DGKD: variants seen among roughly 807,000 people sequenced by gnomAD.
DGKD encodes diacylglycerol kinase delta, also known as DAG kinase delta.
In DGKD, 68 loss-of-function variants were observed where a neutral mutation model predicts 154.4. The ratio of observed to expected loss-of-function variants is 0.44; its 90% CI spans 0.36 to 0.54. DGKD has a LOEUF of 0.54. Among genes scored for constraint, DGKD ranks in the 20% least tolerant of loss-of-function variants. The pLI is 0.00. For missense variants in DGKD, 1,343 were observed against 1,593.6 expected (o/e 0.84, Z 2.68); for synonymous variants, 693 against 638.0 (o/e 1.09, Z -1.30).
chr2:233,469,236 T>G lies in DGKD; in HGVS notation c.3556-135T>G. ...ACTTTTAAGCTGTTTCCATCTTGTT[T>G]TACCGTTTTTGTCATTTTGGCTCTC... On this transcript the variant is annotated intron_variant, in intron 29 of 29. Transcript: ENST00000264057. The G allele has an allele frequency of 4.2e-6, 3 of 709,812 alleles. No individual in the cohort carries two copies. In the South Asian group the frequency reaches 5.2e-5, roughly 12 times the overall value. 44.0% of individuals were successfully genotyped at this position (709,812 alleles called of 1,614,324 possible). A position where few individuals can be genotyped will look rare whatever the true frequency, so the allele number is the denominator to read the frequency against.
intron 3 of DGKD, among the ~76,000 whole-genome samples, chr2:233,416,791 C>T (rs750885030): frequency 1.3e-5 from 2 of 152,142 alleles, no homozygotes; most frequent in Non-Finnish European, 2.9e-5. Flanking sequence ...TTCTTCTGTT[C>T]AGTAGCTGAA....
chr2:233,435,800 G>A lies in DGKD; in HGVS notation c.587-18G>A. The A allele has an allele frequency of 6.2e-7, 1 of 1,608,272 alleles. No homozygotes were observed. Among genetic ancestry groups the A allele is most frequent in the African/African-American group, 1.3e-5 (1 of 74,798 alleles). On this transcript the variant is annotated intron_variant, in intron 5 of 29. Coordinates refer to ENST00000264057, the MANE Select transcript of DGKD (RefSeq NM_152879.3). ...GCACAGACACAGCTTGTAGGCTCATGTGCCCCTTCTCTCACAGTGTGCAAA... is the reference window on the plus strand; with the variant it reads ...GCACAGACACAGCTTGTAGGCTCATATGCCCCTTCTCTCACAGTGTGCAAA...
chr2:233,446,871 A>G (rs1481863471), intron 12 of DGKD, 75 bp downstream of exon 12: 2 of 1,547,866 alleles, frequency 1.3e-6, no homozygotes, highest in Non-Finnish European at 1.8e-6. Flanking sequence ...GGTTTGCATC[A>G]CCTCCCTTGC....
chr2:233,360,984 GTTTTTTTTTTT>G (rs10580286), intron 1 of DGKD, among the ~76,000 whole-genome samples: 1 of 129,096 alleles, frequency 7.7e-6, no homozygotes, highest in Non-Finnish European at 1.6e-5. Context: ...AGACAGTCAA[GTTTTTTTTTTT>G]TTTTTTTTTT....
In DGKD at chr2:233,449,281, C is replaced by G. The variant is rs771362541; in HGVS notation, c.1793C>G (p.Ala598Gly). ...CGCTTGGTGGCATCAGCTTGCCCGGCCCGGCCGCAGATATTCCGGCCTCGA... is the reference window on the plus strand; with the variant it reads ...CGCTTGGTGGCATCAGCTTGCCCGGGCCGGCCGCAGATATTCCGGCCTCGA... Reference protein sequence around the residue: ...GDRLVASACPARPQIFRPREQ... With the variant: ...GDRLVASACPGRPQIFRPREQ... The change falls in exon 15 of 30, where the codon GCC (alanine) becomes GGC (glycine). Residue 598 changes from alanine to glycine, a missense_variant. Around this residue, in one of 6 missense-constraint regions of DGKD, gnomAD observed 409 missense variants for 446.0 expected, o/e 0.92. Transcript: ENST00000264057. This position sits in a 1 kb window ranked among gnomAD's most constrained non-coding sequence, Gnocchi z 5.3. The G allele has an allele frequency of 6.2e-7, 1 of 1,613,380 alleles. No homozygotes were observed. Among genetic ancestry groups the G allele is most frequent in the Non-Finnish European group, 8.5e-7 (1 of 1,179,646 alleles).
chr2:233,364,457 A>G (rs549459953), intron 1 of DGKD, among the ~76,000 whole-genome samples: 3 of 152,362 alleles, frequency 2.0e-5, no homozygotes, highest in East Asian at 1.9e-4. Flanking sequence ...TTTAAATTAT[A>G]TAGAATTAAA....
Position 233,380,677 on chromosome 2 carries a change from T to TG in DGKD, c.157-7579dup, listed in dbSNP as rs201296630. ...AGCAGTGAGGATGTGTGTGTGTGTGTGTGGGGGGGTGTTAACACCACATAC... is the reference window on the plus strand; with the variant it reads ...AGCAGTGAGGATGTGTGTGTGTGTGTGGTGGGGGGGTGTTAACACCACATAC... On this transcript the variant is annotated intron_variant, in intron 1 of 29. Transcript: ENST00000264057. Among the ~76,000 whole-genome samples, 655 of 151,902 alleles carry TG rather than the reference T, an allele frequency of 4.3e-3. 5 individuals are homozygous for TG. The highest frequency in any genetic ancestry group is 5.8e-3 in the Non-Finnish European group (391 of 67,962).
rs371157011 is a variant in DGKD, at chr2:233,462,412, A to G, written c.3046A>G (p.Ser1016Gly). Reference protein sequence around the residue: ...EQELAHAVNASSKSMDRVYGK... With the variant: ...EQELAHAVNAGSKSMDRVYGK... ...GGAACTGGCCCACGCCGTCAATGCC[A>G]GCTCCAAGTCCATGGACCGTGTGTA... is the stretch of plus-strand genomic sequence containing the variant. Residue 1016 changes from serine (S) to glycine (G), a missense_variant, in exon 25 of 30, where the codon AGC (serine) becomes GGC (glycine). Ser to Gly is a moderately conservative substitution (Grantham distance 56). This residue lies in a region of DGKD where 429 missense variants were observed against 496.3 expected (regional missense o/e 0.86). Coordinates refer to ENST00000264057, the MANE Select transcript of DGKD (RefSeq NM_152879.3). 20 of 1,604,110 alleles carry G rather than the reference A, an allele frequency of 1.2e-5. No individual in the cohort carries two copies. Among genetic ancestry groups the G allele is most frequent in the Non-Finnish European group, 1.7e-5 (20 of 1,172,124 alleles).
chr2:233,446,946 A>C, intron 12 of DGKD, 150 bp downstream of exon 12: 1 of 896,760 alleles, frequency 1.1e-6, no homozygotes. Context: ...GGGTGAACCC[A>C]TGGCTGAGAG....
intron 3 of DGKD, among the ~76,000 whole-genome samples, chr2:233,431,218 T>C (rs2062498416): frequency 6.6e-6 from 1 of 152,138 alleles, no homozygotes; most frequent in Non-Finnish European, 1.5e-5. Context: ...AAGAAAGTAA[T>C]CCCATTTACA....
chr2:233,357,613 G>A (rs572305441), intron 1 of DGKD, among the ~76,000 whole-genome samples: 3 of 149,566 alleles, frequency 2.0e-5, no homozygotes, highest in South Asian at 2.1e-4. Context: ...TCTCAGCTAC[G>A]GCAACCTTTG....
rs1271128216 is a variant in DGKD, at chr2:233,470,299, G to A, written c.*839G>A. 6.6e-6 allele frequency: 1 copy of A among 152,504 alleles called. No homozygotes were observed. Among genetic ancestry groups the A allele is most frequent in the Non-Finnish European group, 1.5e-5 (1 of 68,142 alleles). The allele number at this position is 152,504 out of a possible 1,614,324, so 9.4% of individuals were successfully genotyped here. On this transcript the variant is annotated 3_prime_UTR_variant, in exon 30 of 30. Transcript: ENST00000264057. The stretch of plus-strand genomic sequence containing the variant: ...AGACAGAGGATGTGTGTCCACATGA[G>A]TGTTTCTGTGTGGGAAATGCTTCCT...
intron 3 of DGKD, among the ~76,000 whole-genome samples, chr2:233,416,598 T>G (rs1237452828): frequency 1.3e-5 from 2 of 152,214 alleles, no homozygotes; most frequent in African/African-American, 4.8e-5. Context: ...TATATGCAGA[T>G]TTACCATTAG....
At chr2:233,429,960 A>G (rs1214001586) in intron 3 of DGKD, among the ~76,000 whole-genome samples, 1 of 152,244 alleles carries the variant, frequency 6.6e-6, no homozygotes, top group Non-Finnish European at 1.5e-5. Context: ...AGCACTTTCT[A>G]TGGTTTCTGA....
chr2:233,462,208 G>GC, intron 24 of DGKD, 140 bp from the exon 25 acceptor site: 1 of 631,266 alleles, frequency 1.6e-6, no homozygotes, highest in South Asian at 2.1e-5. Flanking sequence ...GCTGGGCTGA[G>GC]CCACGATCCC....
chr2:233,412,972 A>C (rs1380211554), intron 3 of DGKD, among the ~76,000 whole-genome samples: 1 of 152,064 alleles, frequency 6.6e-6, no homozygotes, highest in Non-Finnish European at 1.5e-5. Flanking sequence ...TTATTGTTGG[A>C]TTCAATTTGC....
At chr2:233,403,445 A>G (rs1289642879) in intron 3 of DGKD, among the ~76,000 whole-genome samples, 1 of 151,862 alleles carries the variant, frequency 6.6e-6, no homozygotes, top group Non-Finnish European at 1.5e-5. Context: ...CTGTAATCCC[A>G]GCTACTCAGG....
In DGKD at chr2:233,462,490, T is replaced by C. The variant is rs200083500; in HGVS notation, c.3093+31T>C. On this transcript the variant is annotated intron_variant, in intron 25 of 29. Coordinates refer to ENST00000264057, the MANE Select transcript of DGKD (RefSeq NM_152879.3). ...TATTCTGGCCTTTTCAGTCCTGGCTTCTTCTCAGTGTCTGCCGCCCTCGGC... is the reference window on the plus strand; with the variant it reads ...TATTCTGGCCTTTTCAGTCCTGGCTCCTTCTCAGTGTCTGCCGCCCTCGGC... 1.8e-5 allele frequency: 29 copies of C among 1,578,128 alleles called. No individual in the cohort carries two copies. In the African/African-American group the frequency reaches 2.4e-4, roughly 13 times the overall value.
At chr2:233,381,249 C>G (rs838713) in intron 1 of DGKD, among the ~76,000 whole-genome samples, 51,567 of 152,098 alleles carry the variant, frequency 0.34, 9,637 homozygotes, top group Middle Eastern at 0.47. Flanking sequence ...CAGCTTCTGC[C>G]AGGATGCGGT....
Sources: gnomAD v4.1 joint callset for allele counts (sites outside exome capture counted in the v4.1 genomes callset) on GRCh38, gnomAD v4.1.1 for gene constraint, gnomAD v4.1.1 regional missense constraint, Gnocchi (gnomAD v3.1) non-coding constraint, MANE v1.5 for transcripts, NCBI Gene and HGNC (gene_info 2026-07-23, HGNC 2026-07-21) for gene names.